The following GAD2 variants were observed in gnomAD, a reference collection of about 807,000 sequenced individuals.
GAD2 encodes the protein 65 kDa glutamic acid decarboxylase.
A neutral mutation model predicts 80.1 loss-of-function variants in GAD2; 22 were observed. The ratio of observed to expected loss-of-function variants is 0.27; its 90% confidence interval spans 0.20 to 0.39. GAD2 has a LOEUF of 0.39. Ranked by LOEUF, GAD2 falls within the 10% of genes least tolerant of loss-of-function variation. The pLI, the probability that GAD2 is intolerant of heterozygous loss-of-function variation, is 1.00. For missense variants in GAD2, 624 were observed against 738.4 expected (o/e 0.85, Z 1.80); for synonymous variants, 274 against 256.9 (o/e 1.07, Z -0.64).
Position 26,217,939 on chromosome 10 carries a change from G to T in GAD2, c.234G>T (p.Lys78Asn). Residue 78 changes from lysine to asparagine, a missense_variant, in exon 3 of 16, where the codon AAG becomes AAT. Physicochemically the swap from Lys to Asn is moderately conservative, Grantham distance 94. Transcript: ENST00000376261. This position sits in a 1 kb window ranked among gnomAD's most constrained non-coding sequence, Gnocchi z 4.9. ...AGGCCGCCTGCGCCTGCGACCAGAA[G>T]CCCTGCAGCTGCTCCAAAGTGGATG... is the stretch of plus-strand genomic sequence containing the variant. ...ARKAACACDQ[K>N]PCSCSKVDVN... The T allele has an allele frequency of 1.2e-6, 2 of 1,611,958 alleles. No homozygotes were observed. Among genetic ancestry groups the T allele is most frequent in the Non-Finnish European group, 8.5e-7 (1 of 1,179,204 alleles).
intron 11 of GAD2, among the ~76,000 whole-genome samples, chr10:26,277,989 GTT>G (rs112835024): frequency 1.1e-4 from 16 of 146,298 alleles, no homozygotes; most frequent in African/African-American, 4.0e-4. Context: ...ACCTGAGGCT[GTT>G]TTTTTTTTTT....
intron 11 of GAD2, among the ~76,000 whole-genome samples, chr10:26,280,346 G>T (rs1377803580): frequency 6.6e-6 from 1 of 152,200 alleles, no homozygotes; most frequent in African/African-American, 2.4e-5. Flanking sequence ...ACCCAAGGTG[G>T]TCAGAGCACA....
chr10:26,242,072 G>T (rs968166059), intron 7 of GAD2, among the ~76,000 whole-genome samples: 2 of 151,802 alleles, frequency 1.3e-5, no homozygotes, highest in Non-Finnish European at 2.9e-5. Context: ...GCCAAGCTCC[G>T]CCTCCCTGGT....
Position 26,282,997 on chromosome 10 carries a change from G to A in GAD2, c.1236+1910G>A, listed in dbSNP as rs143897441. ...AGACCTCAACTATAATTACTTCAAA[G>A]GAGAAAATAAATTTTTGTTATTTAG... On this transcript the variant is annotated intron_variant, in intron 12 of 15. Coordinates refer to ENST00000376261, the MANE Select transcript of GAD2 (RefSeq NM_001134366.2). Among the ~76,000 whole-genome samples the A allele has an allele frequency of 9.2e-4, 140 of 152,278 alleles. 3 individuals are homozygous for A. The East Asian group carries it at 0.022, about 24-fold the overall frequency.
In GAD2 at chr10:26,286,861, G is replaced by A. The variant is rs186834695; in HGVS notation, c.1386+367G>A. ...CTGGGTAGGTGAATGCAATCTGAAAGTATAGGTCTGGAGAACAAAAAAGAA... is the reference window on the plus strand; with the variant it reads ...CTGGGTAGGTGAATGCAATCTGAAAATATAGGTCTGGAGAACAAAAAAGAA... On this transcript the variant is annotated intron_variant, in intron 13 of 15. Coordinates refer to ENST00000376261, the MANE Select transcript of GAD2 (RefSeq NM_001134366.2). Among the ~76,000 whole-genome samples, 416 of 152,318 alleles carry A rather than the reference G, an allele frequency of 2.7e-3. 1 individual carries two copies. The highest frequency in any genetic ancestry group is 9.6e-3 in the African/African-American group (400 of 41,572).
At chr10:26,265,699 T>C (rs565386574) in intron 8 of GAD2, among the ~76,000 whole-genome samples, 1 of 152,346 alleles carries the variant, frequency 6.6e-6, no homozygotes, top group African/African-American at 2.4e-5. Context: ...TGTATAATTA[T>C]TAAAGATATA....
intron 4 of GAD2, 55 bp from the exon 5 acceptor site, chr10:26,223,832 G>T (rs1214037453): frequency 8.8e-7 from 1 of 1,132,290 alleles, no homozygotes; most frequent in Non-Finnish European, 1.3e-6. Flanking sequence ...ATGTGTTTGA[G>T]AGGCATTTAT....
chr10:26,265,448 C>A (rs145513424), intron 8 of GAD2, among the ~76,000 whole-genome samples: 4 of 152,192 alleles, frequency 2.6e-5, no homozygotes, highest in African/African-American at 7.2e-5. Context: ...CGTGATCCAC[C>A]CGCCTCAGCC....
At chr10:26,276,210 C>T (rs1045582614) in intron 11 of GAD2, among the ~76,000 whole-genome samples, 1 of 151,780 alleles carries the variant, frequency 6.6e-6, no homozygotes, top group African/African-American at 2.4e-5. Context: ...GGCACAAACA[C>T]CTGGAGCCCT....
At position 26,217,576 on chromosome 10, in the gene GAD2, G is replaced by T; in HGVS notation, c.77-34G>T. On this transcript the variant is annotated intron_variant, in intron 1 of 15. Transcript: ENST00000376261. The surrounding 1 kb of genome is among the most constrained non-coding windows in gnomAD (Gnocchi z 4.9). ...CACGTCCGTCTGTTGTTCTCTTTCTGCCTCGCTGTCTGCCTGCCTATTCTT... is the reference window on the plus strand; with the variant it reads ...CACGTCCGTCTGTTGTTCTCTTTCTTCCTCGCTGTCTGCCTGCCTATTCTT... 6.3e-7 allele frequency: 1 copy of T among 1,594,556 alleles called. No homozygotes were observed. Among genetic ancestry groups the T allele is most frequent in the Non-Finnish European group, 8.6e-7 (1 of 1,168,496 alleles).
intron 7 of GAD2, 47 bp from the exon 8 acceptor site, chr10:26,245,873 CT>C: frequency 7.1e-7 from 1 of 1,414,704 alleles, no homozygotes; most frequent in Non-Finnish European, 9.9e-7. Context: ...TGGAATGGAT[CT>C]TGTCTGTATA....
chr10:26,289,094 C>T (rs528150322), intron 13 of GAD2, among the ~76,000 whole-genome samples: 14 of 150,978 alleles, frequency 9.3e-5, no homozygotes, highest in South Asian at 2.1e-4. Context: ...TTTTGAAAAA[C>T]GAAATGATAA....
chr10:26,301,164 GA>G lies in GAD2; in HGVS notation c.*204del, dbSNP rs1166439992. 3.7e-6 allele frequency: 2 copies of G among 542,058 alleles called. No homozygotes were observed. The highest frequency in any genetic ancestry group is 6.6e-6 in the Non-Finnish European group (2 of 303,158). The allele number at this position is 542,058 out of a possible 1,614,324, so 33.6% of individuals were successfully genotyped here. ...TTAGAATACCTCTCTAAGAATTCGT[GA>G]CAAAAGGCTATGTTCTAATCAATAA... On this transcript the variant is annotated 3_prime_UTR_variant, in exon 16 of 16. Coordinates refer to ENST00000376261, the MANE Select transcript of GAD2 (RefSeq NM_001134366.2).
chr10:26,244,223 A>G (rs1286803437), intron 7 of GAD2, among the ~76,000 whole-genome samples: 1 of 152,252 alleles, frequency 6.6e-6, no homozygotes, highest in East Asian at 1.9e-4. Flanking sequence ...TATCGAAAAC[A>G]GAAAATTATG....
chr10:26,237,862 G>C (rs1370453301), intron 7 of GAD2, among the ~76,000 whole-genome samples: 6 of 151,916 alleles, frequency 3.9e-5, no homozygotes, highest in Non-Finnish European at 7.4e-5. Flanking sequence ...ACAAAAATTA[G>C]CAGGGTGTAA....
At chr10:26,236,302 CTTTT>C (rs201706752) in intron 7 of GAD2, among the ~76,000 whole-genome samples, 2 of 137,458 alleles carry the variant, frequency 1.5e-5, no homozygotes, top group Non-Finnish European at 1.6e-5. Flanking sequence ...TTTCTTTTTT[CTTTT>C]TTTTTTTTTT....
chr10:26,218,537 T>TCC, intron 3 of GAD2, among the ~76,000 whole-genome samples: 1 of 84,808 alleles, frequency 1.2e-5, no homozygotes, highest in Non-Finnish European at 2.7e-5. Context: ...ATGCATACGC[T>TCC]CTCTCTCTCT....
At chr10:26,280,928 C>T (rs1845263633) in intron 11 of GAD2, 81 bp from the exon 12 acceptor site, 4 of 842,080 alleles carry the variant, frequency 4.8e-6, no homozygotes. Context: ...GAAACAATAC[C>T]AAGAAACTGA....
intron 8 of GAD2, among the ~76,000 whole-genome samples, chr10:26,253,136 G>C (rs1441086583): frequency 6.6e-6 from 1 of 152,102 alleles, no homozygotes; most frequent in East Asian, 1.9e-4. Flanking sequence ...TTAAAAAATG[G>C]AATAAGATAA....
Sources: gnomAD v4.1 joint callset for allele counts (sites outside exome capture counted in the v4.1 genomes callset) on GRCh38, gnomAD v4.1.1 for gene constraint, Gnocchi (gnomAD v3.1) non-coding constraint, MANE v1.5 for transcripts, NCBI Gene and HGNC (gene_info 2026-07-23, HGNC 2026-07-21) for gene names.